Variants in TRMT11 observed in about 807,000 individuals in gnomAD.
TRMT11 encodes the protein tRNA (guanine(10)-N(2))-methyltransferase TRMT11.
TRMT11 carries 53 observed loss-of-function variants against 62.8 expected under a neutral mutation model. That is an observed-to-expected ratio of 0.84 (90% confidence interval 0.68 to 1.06). The LOEUF (loss-of-function observed/expected upper bound fraction) is 1.06. Among genes scored for constraint, TRMT11 ranks in the 50% least tolerant of loss-of-function variants. The pLI is 0.00. For missense variants in TRMT11, 556 were observed against 553.4 expected (o/e 1.00, Z -0.05); for synonymous variants, 188 against 190.3 (o/e 0.99, Z 0.10).
chr6:126,004,922 G>T (rs887469603), intron 7 of TRMT11, among the ~76,000 whole-genome samples: 2 of 151,922 alleles, frequency 1.3e-5, no homozygotes, highest in Non-Finnish European at 2.9e-5. Flanking sequence ...CATTATGAGC[G>T]GCAGAAACAC....
At chr6:126,259,955 T>C in the TRMT11 span, among the ~76,000 whole-genome samples, 3 of 152,332 alleles carry the variant, frequency 2.0e-5, no homozygotes, top group Non-Finnish European at 4.4e-5. Flanking sequence ...CTGTTTGTCT[T>C]TACTGCTAAG....
chr6:126,201,568 GT>G (rs1331401261), intron 3 of TRMT11, among the ~76,000 whole-genome samples: 8 of 152,130 alleles, frequency 5.3e-5, no homozygotes, highest in Non-Finnish European at 8.8e-5. Context: ...CTGCTGTCCT[GT>G]TTTTGTGCAA....
chr6:126,224,410 G>A, the TRMT11 span, among the ~76,000 whole-genome samples: 1 of 152,172 alleles, frequency 6.6e-6, no homozygotes, highest in Admixed American at 6.5e-5. Flanking sequence ...GATTTCAGGG[G>A]GCTAAGGCTC....
At chr6:126,054,733 A>T (rs1172948495) in intron 17 of TRMT11, among the ~76,000 whole-genome samples, 2 of 152,200 alleles carry the variant, frequency 1.3e-5, no homozygotes, top group Non-Finnish European at 2.9e-5. Context: ...TACATAAAGG[A>T]TATTTTACTG....
intron 17 of TRMT11, among the ~76,000 whole-genome samples, chr6:126,101,903 A>G (rs376076609): frequency 4.1e-4 from 63 of 152,240 alleles, no homozygotes; most frequent in African/African-American, 1.5e-3. Context: ...ATATTTGACC[A>G]TATGTGAATA....
At chr6:126,082,644 A>G (rs1378018668) in intron 17 of TRMT11, among the ~76,000 whole-genome samples, 1 of 152,140 alleles carries the variant, frequency 6.6e-6, no homozygotes, top group African/African-American at 2.4e-5. Flanking sequence ...GAGCCAGGAA[A>G]CTTTATCAAA....
intron 21 of TRMT11, among the ~76,000 whole-genome samples, chr6:126,145,700 T>C (rs1224150553): frequency 6.6e-6 from 1 of 152,192 alleles, no homozygotes; most frequent in Non-Finnish European, 1.5e-5. Context: ...AACAGCCTTG[T>C]CACTTTATCT....
downstream of TRMT11, among the ~76,000 whole-genome samples, chr6:126,042,249 T>C (rs1223740906): frequency 1.3e-5 from 2 of 152,208 alleles, no homozygotes; most frequent in Admixed American, 1.3e-4. Context: ...CTAGGGAACC[T>C]GACCCCTTTC....
chr6:126,264,039 C>T, the TRMT11 span, among the ~76,000 whole-genome samples: 2 of 152,212 alleles, frequency 1.3e-5, no homozygotes, highest in East Asian at 3.9e-4. Flanking sequence ...AATTTGACAG[C>T]AGATAATTGC....
chr6:126,125,970 G>A (rs1203312804), intron 21 of TRMT11, among the ~76,000 whole-genome samples: 1 of 152,074 alleles, frequency 6.6e-6, no homozygotes, highest in Non-Finnish European at 1.5e-5. Context: ...TCAAGATACT[G>A]CAATATTGGG....
chr6:126,271,093 G>A, the TRMT11 span, among the ~76,000 whole-genome samples: 25 of 152,100 alleles, frequency 1.6e-4, no homozygotes, highest in Non-Finnish European at 3.5e-4. Flanking sequence ...GCTGGGTGTG[G>A]TGGCTTACAC....
intron 17 of TRMT11, among the ~76,000 whole-genome samples, chr6:126,054,825 G>A (rs1272695733): frequency 6.6e-6 from 1 of 152,184 alleles, no homozygotes; most frequent in Non-Finnish European, 1.5e-5. Context: ...TCACCTTGGA[G>A]CCCACTCTGC....
intron 8 of TRMT11, among the ~76,000 whole-genome samples, 183 bp from the exon 9 acceptor site, chr6:126,011,070 A>G (rs978414863): frequency 6.6e-6 from 1 of 152,200 alleles, no homozygotes; most frequent in Non-Finnish European, 1.5e-5. Context: ...ACATCAGTAC[A>G]TTTTACTGTT....
At chr6:125,991,119 G>T (rs575920354) in intron 1 of TRMT11, among the ~76,000 whole-genome samples, 8 of 151,658 alleles carry the variant, frequency 5.3e-5, no homozygotes, top group African/African-American at 1.9e-4. Context: ...GGTGGTGTGC[G>T]CCTGTAATCT....
At chr6:126,046,314 A>G (rs1776054885) in intron 16 of TRMT11, among the ~76,000 whole-genome samples, 1 of 152,228 alleles carries the variant, frequency 6.6e-6, no homozygotes, top group African/African-American at 2.4e-5. Flanking sequence ...CCATGTGTCC[A>G]TGGTTACTGA....
At chr6:126,019,201 T>G (rs1471267812) in intron 11 of TRMT11, among the ~76,000 whole-genome samples, 1 of 152,204 alleles carries the variant, frequency 6.6e-6, no homozygotes, top group Non-Finnish European at 1.5e-5. Flanking sequence ...TAACTGCTAT[T>G]TTTTAATCTT....
At chr6:126,137,299 A>C (rs1777862000) in intron 21 of TRMT11, among the ~76,000 whole-genome samples, 1 of 151,786 alleles carries the variant, frequency 6.6e-6, no homozygotes, top group African/African-American at 2.4e-5. Flanking sequence ...CAAAAAAGCA[A>C]GCTAGCAAGC....
At chr6:126,008,351 G>A (rs1435866920) in intron 7 of TRMT11, 41 bp from the exon 8 acceptor site, 1 of 1,542,134 alleles carries the variant, frequency 6.5e-7, no homozygotes, top group Non-Finnish European at 9.0e-7. Flanking sequence ...CAGGAGTTTG[G>A]GACTTACTGG....
rs187952079 is a variant in TRMT11 at position 126,044,277 on chromosome 6, A to G, written c.*1369+3432A>G. 4.5e-4 allele frequency among the ~76,000 whole-genome samples: 69 copies of G among 152,336 alleles called. 1 individual carries two copies. The highest frequency in any genetic ancestry group is 1.2e-3 in the South Asian group (6 of 4,830). On this transcript the variant is annotated intron_variant and NMD_transcript_variant, in intron 16 of 22. Transcript: ENST00000648977. ...CAGTTTCAGCTTTCTCCGTATGGCT[A>G]GCCAGTTTTCCCAGCACCATTTGTT...
Sources: gnomAD v4.1 joint callset for allele counts (sites outside exome capture counted in the v4.1 genomes callset) on GRCh38, gnomAD v4.1.1 for gene constraint, MANE v1.5 for transcripts, NCBI Gene and HGNC (gene_info 2026-07-23, HGNC 2026-07-21) for gene names.